The following PLD5 variants were observed in gnomAD, a reference collection of about 807,000 sequenced individuals.
The protein encoded by PLD5 is phospholipase D family member 5, also known as inactive phospholipase D5.
A neutral mutation model predicts 61.1 loss-of-function variants in PLD5; 36 were observed. The observed-to-expected ratio is 0.59, with a 90% CI of 0.45 to 0.78. PLD5 has a LOEUF of 0.78. Ranked by LOEUF, PLD5 falls within the 30% of genes least tolerant of loss-of-function variation. The pLI, the probability that PLD5 is intolerant of heterozygous loss-of-function variation, is 0.00. For synonymous variants in PLD5, 243 were observed against 242.8 expected, an observed-to-expected ratio of 1.00 and a Z score of -0.01; for missense variants, 515 against 644.4, an observed-to-expected ratio of 0.80 and a Z score of 2.17.
chr1:242,250,410 GA>G (rs1672635957), intron 4 of PLD5, among the ~76,000 whole-genome samples: 1 of 152,200 alleles, frequency 6.6e-6, no homozygotes, highest in South Asian at 2.1e-4. Flanking sequence ...GGGGAATGGG[GA>G]AGGGCAGACG....
chr1:242,348,346 T>C, intron 1 of PLD5, 104 bp from the exon 2 acceptor site: 1 of 1,270,258 alleles, frequency 7.9e-7, no homozygotes, highest in African/African-American at 1.5e-5. Context: ...TGGGTGGGGA[T>C]ACGATTATCA....
intron 3 of PLD5, among the ~76,000 whole-genome samples, chr1:242,286,076 T>G (rs537415376): frequency 2.2e-4 from 33 of 151,256 alleles, no homozygotes; most frequent in African/African-American, 7.0e-4. Flanking sequence ...ACCACTACAC[T>G]CCAACCTGGG....
intron 1 of PLD5, among the ~76,000 whole-genome samples, chr1:242,399,752 C>T (rs957185897): frequency 3.9e-5 from 6 of 152,102 alleles, no homozygotes; most frequent in African/African-American, 7.2e-5. Context: ...AGGTGAGTGA[C>T]GGCCAGCCAG....
rs942397549 is a variant in PLD5 at position 242,160,011 on chromosome 1, C to G, written c.736-35346G>C. ...TATTAGCTGAATTCTTTTTTTTTCC[C>G]TTTTATTTTTTTTTGAGATAGATAG... On this transcript the variant is annotated intron_variant, in intron 5 of 9. Coordinates refer to ENST00000536534, the MANE Select transcript of PLD5 (RefSeq NM_001372062.1). 2.3e-4 allele frequency among the ~76,000 whole-genome samples: 34 copies of G among 150,966 alleles called. 1 individual carries two copies. Among genetic ancestry groups the G allele is most frequent in the African/African-American group, 8.2e-4 (34 of 41,240 alleles).
intron 4 of PLD5, among the ~76,000 whole-genome samples, chr1:242,227,608 C>A (rs977019050): frequency 2.6e-5 from 4 of 152,222 alleles, no homozygotes; most frequent in African/African-American, 9.6e-5. Flanking sequence ...AGGCAATCTG[C>A]CTGCCTCGGC....
intron 5 of PLD5, among the ~76,000 whole-genome samples, chr1:242,146,806 T>G (rs1356230880): frequency 2.0e-5 from 3 of 152,224 alleles, no homozygotes; most frequent in African/African-American, 7.2e-5. Context: ...AGCCACCTTT[T>G]GTCCTGTTAC....
chr1:242,265,500 A>G (rs1673619025), intron 3 of PLD5, 52 bp from the exon 4 acceptor site: 1 of 1,423,106 alleles, frequency 7.0e-7, no homozygotes, highest in African/African-American at 1.4e-5. Context: ...AATGTTTACC[A>G]ATTTAGACAG....
At chr1:242,204,672 G>A (rs1457716858) in intron 5 of PLD5, among the ~76,000 whole-genome samples, 1 of 152,136 alleles carries the variant, frequency 6.6e-6, no homozygotes, top group Non-Finnish European at 1.5e-5. Flanking sequence ...GATGGCACTA[G>A]GTCTGTTTTA....
intron 1 of PLD5, among the ~76,000 whole-genome samples, chr1:242,359,406 T>C (rs1660946208): frequency 6.6e-6 from 1 of 152,190 alleles, no homozygotes; most frequent in Admixed American, 6.5e-5. Flanking sequence ...TTCTTTCAGC[T>C]TTCAATGGGG....
intron 5 of PLD5, among the ~76,000 whole-genome samples, chr1:242,178,820 G>A (rs947818977): frequency 4.6e-5 from 7 of 152,170 alleles, no homozygotes; most frequent in Non-Finnish European, 1.0e-4. Flanking sequence ...ACATAAACAT[G>A]TTATATTTCA....
chr1:242,395,858 G>A (rs1030496592), intron 1 of PLD5, among the ~76,000 whole-genome samples: 29 of 152,264 alleles, frequency 1.9e-4, no homozygotes, highest in African/African-American at 6.5e-4. Context: ...GACCAGCTTG[G>A]CCAAGATGGT....
chr1:242,389,539 A>G (rs919416841), intron 1 of PLD5, among the ~76,000 whole-genome samples: 4 of 152,002 alleles, frequency 2.6e-5, no homozygotes, highest in African/African-American at 9.7e-5. Context: ...TGCTGGGGAA[A>G]AAAATAAAAC....
chr1:242,187,816 G>C, intron 5 of PLD5, among the ~76,000 whole-genome samples: 1 of 152,174 alleles, frequency 6.6e-6, no homozygotes, highest in East Asian at 1.9e-4. Flanking sequence ...GTGCAAAGAC[G>C]TAAGAGATGA....
chr1:242,443,098 A>T (rs186193690), intron 1 of PLD5, among the ~76,000 whole-genome samples: 30 of 152,322 alleles, frequency 2.0e-4, no homozygotes, highest in Non-Finnish European at 8.8e-5. Flanking sequence ...AGAAATATTA[A>T]ATCCTATGGA....
At chr1:242,239,016 T>C (rs1671822963) in intron 4 of PLD5, among the ~76,000 whole-genome samples, 1 of 152,110 alleles carries the variant, frequency 6.6e-6, no homozygotes, top group Admixed American at 6.6e-5. Context: ...TCTGTTTGGG[T>C]TCTATATTAT....
At chr1:242,501,792 A>T (rs74599059) in intron 1 of PLD5, among the ~76,000 whole-genome samples, 29 of 14,148 alleles carry the variant, frequency 2.0e-3, no homozygotes, top group Admixed American at 9.3e-3. Flanking sequence ...ATATTCCATT[A>T]TATATATATA....
At position 242,459,977 on chromosome 1, in the gene PLD5, A is replaced by T. The variant is rs138777589; in HGVS notation, c.189+64111T>A. Among the ~76,000 whole-genome samples the T allele has an allele frequency of 9.3e-4, 141 of 152,250 alleles. 4 individuals carry two copies. In the East Asian group the frequency reaches 0.024, roughly 26 times the overall value. On this transcript the variant is annotated intron_variant, in intron 1 of 9. Coordinates refer to ENST00000536534, the MANE Select transcript of PLD5 (RefSeq NM_001372062.1). ...GAATTTCTGGTCTAACCAGTTGTCT[A>T]GCTTCATGTCCTGTTTCCCTGGATT...
intron 1 of PLD5, among the ~76,000 whole-genome samples, chr1:242,361,316 G>A (rs1203995500): frequency 6.6e-6 from 1 of 152,114 alleles, no homozygotes; most frequent in Non-Finnish European, 1.5e-5. Flanking sequence ...ATAAGGTCAT[G>A]CCACTACTTT....
At chr1:242,277,060 C>T (rs1259144138) in intron 3 of PLD5, among the ~76,000 whole-genome samples, 1 of 152,058 alleles carries the variant, frequency 6.6e-6, no homozygotes, top group African/African-American at 2.4e-5. Flanking sequence ...TGGAATCCTA[C>T]AGTAGCTGAA....
Sources: gnomAD v4.1 joint callset for allele counts (sites outside exome capture counted in the v4.1 genomes callset) on GRCh38, gnomAD v4.1.1 for gene constraint, MANE v1.5 for transcripts, NCBI Gene and HGNC (gene_info 2026-07-23, HGNC 2026-07-21) for gene names.